The following PDGFC variants were observed in gnomAD, a reference collection of about 807,000 sequenced individuals.
PDGFC encodes the protein platelet-derived growth factor C.
In PDGFC, 12 loss-of-function variants were observed where a neutral mutation model predicts 35.5. The observed-to-expected ratio is 0.34, with a 90% CI of 0.22 to 0.55. PDGFC has a LOEUF of 0.55. Ranked by LOEUF, PDGFC falls within the 20% of genes least tolerant of loss-of-function variation. The pLI is 0.91. For missense variants in PDGFC, 322 were observed against 412.4 expected (o/e 0.78, Z 1.90); for synonymous variants, 159 against 148.8 (o/e 1.07, Z -0.50).
At chr4:156,952,772 G>C (rs1308473224) in intron 1 of PDGFC, among the ~76,000 whole-genome samples, 1 of 151,660 alleles carries the variant, frequency 6.6e-6, no homozygotes, top group East Asian at 1.9e-4. Context: ...ATCTGTACAG[G>C]ATTTAAACAC....
intron 1 of PDGFC, among the ~76,000 whole-genome samples, chr4:156,936,036 T>C (rs1296774155): frequency 6.6e-6 from 1 of 152,206 alleles, no homozygotes; most frequent in Non-Finnish European, 1.5e-5. Context: ...GTATCTTTCC[T>C]CTTCCTGTTA....
intron 2 of PDGFC, among the ~76,000 whole-genome samples, chr4:156,847,746 A>AT (rs1729359725): frequency 6.6e-6 from 1 of 150,534 alleles, no homozygotes; most frequent in Non-Finnish European, 1.5e-5. Context: ...TTTTATACCT[A>AT]TTTTTATACT....
chr4:156,951,938 C>A (rs1340315714), intron 1 of PDGFC, among the ~76,000 whole-genome samples: 2 of 151,712 alleles, frequency 1.3e-5, no homozygotes, highest in African/African-American at 4.8e-5. Context: ...GAGTATTCTT[C>A]TTCCAAGAAC....
intron 1 of PDGFC, among the ~76,000 whole-genome samples, chr4:156,853,782 T>C (rs1729508301): frequency 6.6e-6 from 1 of 152,056 alleles, no homozygotes; most frequent in South Asian, 2.1e-4. Context: ...GGCAACATGG[T>C]GAAACCTTGT....
chr4:156,773,477 C>T (rs1416670272), intron 3 of PDGFC, among the ~76,000 whole-genome samples: 3 of 151,938 alleles, frequency 2.0e-5, no homozygotes, highest in South Asian at 2.1e-4. Flanking sequence ...ATTAAGAGAT[C>T]GGAGGGACAC....
chr4:156,876,057 T>A (rs1730109671), intron 1 of PDGFC, among the ~76,000 whole-genome samples: 1 of 152,012 alleles, frequency 6.6e-6, no homozygotes, highest in South Asian at 2.1e-4. Flanking sequence ...GAAGAAAACA[T>A]GAGTTGGAAC....
chr4:156,945,666 C>T (rs1240939807), intron 1 of PDGFC, among the ~76,000 whole-genome samples: 1 of 151,720 alleles, frequency 6.6e-6, no homozygotes, highest in African/African-American at 2.4e-5. Flanking sequence ...ATTGCAGGAG[C>T]GATTGGCAGA....
At chr4:156,942,965 G>A (rs1419009027) in intron 1 of PDGFC, among the ~76,000 whole-genome samples, 2 of 151,872 alleles carry the variant, frequency 1.3e-5, no homozygotes, top group African/African-American at 4.8e-5. Flanking sequence ...GTGACTTAAC[G>A]TCCTATCCCA....
intron 1 of PDGFC, among the ~76,000 whole-genome samples, chr4:156,879,318 A>G (rs963353668): frequency 1.3e-5 from 2 of 152,222 alleles, no homozygotes; most frequent in Non-Finnish European, 2.9e-5. Context: ...TCATATAAAA[A>G]TGAGCTTCCA....
intron 2 of PDGFC, among the ~76,000 whole-genome samples, chr4:156,834,170 T>G (rs547365947): frequency 6.6e-5 from 10 of 152,284 alleles, no homozygotes; most frequent in African/African-American, 1.9e-4. Context: ...GGGAAAATCC[T>G]CATATTACAG....
At chr4:156,879,172 A>C (rs1344595317) in intron 1 of PDGFC, among the ~76,000 whole-genome samples, 1 of 152,114 alleles carries the variant, frequency 6.6e-6, no homozygotes, top group Non-Finnish European at 1.5e-5. Flanking sequence ...CTCTTTGAAA[A>C]ACATGACAAA....
intron 1 of PDGFC, among the ~76,000 whole-genome samples, chr4:156,853,962 C>T (rs1217910956): frequency 1.3e-5 from 2 of 151,704 alleles, no homozygotes; most frequent in African/African-American, 4.8e-5. Flanking sequence ...GACCTTGCCT[C>T]AAAAATAAAA....
chr4:156,922,739 G>A (rs138998326), intron 1 of PDGFC, among the ~76,000 whole-genome samples: 306 of 152,290 alleles, frequency 2.0e-3, no homozygotes, highest in African/African-American at 7.1e-3. Context: ...CTGTTGGGTT[G>A]GGGGTCGGGG....
At chr4:156,925,419 G>A (rs1042827824) in intron 1 of PDGFC, among the ~76,000 whole-genome samples, 1 of 152,172 alleles carries the variant, frequency 6.6e-6, no homozygotes, top group Non-Finnish European at 1.5e-5. Context: ...TCACTGGCTT[G>A]TTGATGAACT....
chr4:156,953,354 TCTAGA>T (rs1732131650), intron 1 of PDGFC, among the ~76,000 whole-genome samples: 1 of 151,950 alleles, frequency 6.6e-6, no homozygotes, highest in Non-Finnish European at 1.5e-5. Flanking sequence ...CAAGTTGTTT[TCTAGA>T]CTAAAGTCAA....
intron 1 of PDGFC, among the ~76,000 whole-genome samples, chr4:156,908,405 A>T (rs188878083): frequency 1.3e-5 from 2 of 152,258 alleles, no homozygotes; most frequent in African/African-American, 2.4e-5. Flanking sequence ...AAATAAATAA[A>T]TATTTATTTC....
chr4:156,945,196 G>A (rs2110919642), intron 1 of PDGFC, among the ~76,000 whole-genome samples: 1 of 151,304 alleles, frequency 6.6e-6, no homozygotes, highest in African/African-American at 2.4e-5. Context: ...TGTACATTCT[G>A]CTCATTGCTT....
At chr4:156,780,834 A>G (rs1730958799) in intron 3 of PDGFC, among the ~76,000 whole-genome samples, 1 of 152,194 alleles carries the variant, frequency 6.6e-6, no homozygotes, top group Admixed American at 6.5e-5. Flanking sequence ...GGCTGAATCC[A>G]ATGGTCTGTT....
chr4:156,944,861 A>C (rs1731901528), intron 1 of PDGFC, among the ~76,000 whole-genome samples: 1 of 151,926 alleles, frequency 6.6e-6, no homozygotes, highest in Non-Finnish European at 1.5e-5. Context: ...ACTCATCTAC[A>C]TGACCCCCTC....
Sources: allele counts gnomAD v4.1 joint callset (sites outside exome capture counted in the v4.1 genomes callset), GRCh38; gene constraint gnomAD v4.1.1; transcripts MANE v1.5; gene names NCBI Gene and HGNC (gene_info 2026-07-23, HGNC 2026-07-21).